NFE2L3: variants seen among roughly 807,000 people sequenced by gnomAD.
NFE2L3 encodes nuclear factor erythroid 2-related factor 3.
In NFE2L3, 18 loss-of-function variants were observed where a neutral mutation model predicts 23.5. The ratio of observed to expected loss-of-function variants is 0.77; its 90% CI spans 0.53 to 1.13. The LOEUF (loss-of-function observed/expected upper bound fraction) is 1.13, where lower values mean the gene tolerates loss of function less well. Among genes scored for constraint, NFE2L3 ranks in the 50% most tolerant of loss-of-function variants. The probability of loss-of-function intolerance (pLI) is 0.00; values close to 1 mark genes in which losing one functional copy is unlikely to be tolerated. For synonymous variants in NFE2L3, 424 were observed against 354.5 expected (o/e 1.20, Z -2.20); for missense variants, 1,152 against 877.2 (o/e 1.31, Z -3.96).
In NFE2L3 at chr7:26,184,825, C is replaced by A; in HGVS notation, c.1127C>A (p.Thr376Lys). ...SPVDNHMRNL[T>K]SQDLLYDLDI... ...GTTGACAATCATATGAGGAATCTAA[C>A]AAGCCAAGACCTACTGTATGACCTT... The change falls in exon 4 of 4, where the codon ACA becomes AAA. Residue 376 changes from threonine (T) to lysine (K), a missense_variant. Transcript: ENST00000056233. 1 of 1,613,932 alleles carries A rather than the reference C, an allele frequency of 6.2e-7. No individual in the cohort carries two copies. The highest frequency in any genetic ancestry group is 1.1e-5 in the South Asian group (1 of 91,072).
chr7:26,159,014 A>G (rs1315822044), intron 1 of NFE2L3, among the ~76,000 whole-genome samples: 2 of 151,528 alleles, frequency 1.3e-5, no homozygotes, highest in African/African-American at 4.9e-5. Context: ...TCCCCAATTT[A>G]CTCCCGTCCA....
chr7:26,161,336 T>A (rs1784167893), intron 1 of NFE2L3, among the ~76,000 whole-genome samples: 1 of 19,256 alleles, frequency 5.2e-5, no homozygotes, highest in Non-Finnish European at 9.6e-5. Context: ...CTTCTCTCTC[T>A]TTTTTTTTTT....
Position 26,185,112 on chromosome 7 carries a change from C to T in NFE2L3, c.1414C>T (p.Pro472Ser), listed in dbSNP as rs1171733966. The T allele has an allele frequency of 1.9e-6, 3 of 1,613,778 alleles. No homozygotes were observed. In the African/African-American group the frequency reaches 4.0e-5, roughly 22 times the overall value. Residue 472 changes from proline to serine, a missense_variant, in exon 4 of 4, where the codon CCC (proline) becomes TCC (serine). Transcript: ENST00000056233. ...EGAVGGYYPE[P>S]SKLCHLDQSD... ...TGCTGTAGGTGGCTACTACCCAGAA[C>T]CCAGTAAGCTTTGTCACTTGGATCA...
chr7:26,172,883 T>A (rs970723794), intron 1 of NFE2L3, among the ~76,000 whole-genome samples: 1 of 152,216 alleles, frequency 6.6e-6, no homozygotes, highest in Non-Finnish European at 1.5e-5. Flanking sequence ...TAACAAGTAA[T>A]CTGCAGAGTG....
At chr7:26,180,770 A>AG (rs1221816757) in intron 2 of NFE2L3, among the ~76,000 whole-genome samples, 2 of 152,036 alleles carry the variant, frequency 1.3e-5, no homozygotes, top group Non-Finnish European at 2.9e-5. Context: ...CAAATGAAGT[A>AG]GGGAGCTTCC....
Position 26,152,798 on chromosome 7 carries a change from C to T in NFE2L3, c.300C>T (p.Val100=), listed in dbSNP as rs1043314024. ...QLLREVRALG[V]PFVPRTSVDA... ...TCCGGGAGGTGCGCGCGCTCGGGGT[C>T]CCCTTCGTCCCTCGCACCAGCGTGG... is the stretch of plus-strand genomic sequence containing the variant. The change falls in exon 1 of 4, where the codon GTC becomes GTT. Residue 100 remains valine, a synonymous_variant. Transcript: ENST00000056233. This position sits in a 1 kb window ranked among gnomAD's most constrained non-coding sequence, Gnocchi z 4.4. 7 of 1,486,178 alleles carry T rather than the reference C, an allele frequency of 4.7e-6. No homozygotes were observed. Among genetic ancestry groups the T allele is most frequent in the Admixed American group, 4.5e-5 (2 of 44,308 alleles). 92.1% of individuals were successfully genotyped at this position (1,486,178 alleles called of 1,614,324 possible). A position where few individuals can be genotyped will look rare whatever the true frequency, so the allele number is the denominator to read the frequency against.
intron 1 of NFE2L3, among the ~76,000 whole-genome samples, chr7:26,171,231 A>G (rs1028155688): frequency 6.6e-6 from 1 of 152,244 alleles, no homozygotes; most frequent in African/African-American, 2.4e-5. Context: ...AGAAAAGATT[A>G]GAAACAACTA....
In NFE2L3 at chr7:26,161,350, TTTTTTTTTTTTTTTG is replaced by T. The variant is rs1381633327; in HGVS notation, c.570+8283_570+8297del. ...GCTTCTCTCTCTTTTTTTTTTTTTTTTTTTTTTTTTTTTTGGGTCTTACCTTTCTTTAGAGTTTCT... is the reference window on the plus strand; with the variant it reads ...GCTTCTCTCTCTTTTTTTTTTTTTTTGGTCTTACCTTTCTTTAGAGTTTCT... On this transcript the variant is annotated intron_variant, in intron 1 of 3. Coordinates refer to ENST00000056233, the MANE Select transcript of NFE2L3 (RefSeq NM_004289.7). Among the ~76,000 whole-genome samples the T allele has an allele frequency of 2.8e-4, 28 of 99,986 alleles. 1 individual carries two copies. The highest frequency in any genetic ancestry group is 1.0e-3 in the African/African-American group (22 of 21,148). 65.6% of individuals were successfully genotyped at this position (99,986 alleles called of 152,430 possible).
chr7:26,153,988 G>A (rs891898956), intron 1 of NFE2L3, among the ~76,000 whole-genome samples: 1 of 152,206 alleles, frequency 6.6e-6, no homozygotes, highest in East Asian at 1.9e-4. Flanking sequence ...AATGTTCTTC[G>A]GGTGTTGTTT....
At chr7:26,175,671 G>C (rs1370923631) in intron 1 of NFE2L3, among the ~76,000 whole-genome samples, 6 of 148,868 alleles carry the variant, frequency 4.0e-5, no homozygotes, top group African/African-American at 1.2e-4. Flanking sequence ...CCCAGTTACT[G>C]GGGAGGCTGA....
intron 1 of NFE2L3, among the ~76,000 whole-genome samples, chr7:26,166,872 T>C (rs1417997281): frequency 6.6e-6 from 1 of 152,236 alleles, no homozygotes; most frequent in Non-Finnish European, 1.5e-5. Context: ...TTCTTTGTCT[T>C]TGAAGGTTCT....
intron 1 of NFE2L3, among the ~76,000 whole-genome samples, chr7:26,166,029 AAGT>A (rs1784245866): frequency 6.6e-6 from 1 of 152,066 alleles, no homozygotes; most frequent in Non-Finnish European, 1.5e-5. Context: ...TTGCATGATA[AAGT>A]AGTATTCAAG....
intron 2 of NFE2L3, among the ~76,000 whole-genome samples, chr7:26,183,378 T>C (rs1782378907): frequency 6.6e-6 from 1 of 152,054 alleles, no homozygotes; most frequent in Non-Finnish European, 1.5e-5. Flanking sequence ...TGAAACCCTG[T>C]CTCTACTAAA....
chr7:26,175,174 G>A (rs71521751), intron 1 of NFE2L3, among the ~76,000 whole-genome samples: 10,754 of 142,406 alleles, frequency 0.076, 556 homozygotes, highest in African/African-American at 0.15. Context: ...GTGAAACCCC[G>A]TCTCTACTAA....
At chr7:26,159,921 G>C (rs1784141774) in intron 1 of NFE2L3, among the ~76,000 whole-genome samples, 1 of 150,802 alleles carries the variant, frequency 6.6e-6, no homozygotes, top group African/African-American at 2.4e-5. Context: ...CCTTGTGATA[G>C]GAAGAGTTTA....
intron 2 of NFE2L3, among the ~76,000 whole-genome samples, chr7:26,182,617 G>A (rs1006301548): frequency 6.8e-6 from 1 of 146,892 alleles, no homozygotes; most frequent in African/African-American, 2.7e-5. Flanking sequence ...GACAGGACAA[G>A]ACTGTCTCAA....
In NFE2L3 at chr7:26,152,792, C is replaced by G. The variant is rs910686021; in HGVS notation, c.294C>G (p.Leu98=). The change falls in exon 1 of 4, where the codon CTC becomes CTG. Residue 98 remains leucine (L), a synonymous_variant. Transcript: ENST00000056233. The surrounding 1 kb of genome is among the most constrained non-coding windows in gnomAD (Gnocchi z 4.4). ...AGCTGCTCCGGGAGGTGCGCGCGCT[C>G]GGGGTCCCCTTCGTCCCTCGCACCA... ...EGQLLREVRA[L]GVPFVPRTSV... is the part of the protein sequence containing the mutation. The G allele has an allele frequency of 1.3e-6, 2 of 1,485,820 alleles. No individual in the cohort carries two copies. The highest frequency in any genetic ancestry group is 2.9e-5 in the African/African-American group (2 of 68,428). The allele number at this position is 1,485,820 out of a possible 1,614,324, so 92.0% of individuals were successfully genotyped here.
chr7:26,163,439 C>T lies in NFE2L3; in HGVS notation c.570+10371C>T, dbSNP rs76259167. Among the ~76,000 whole-genome samples, 9 of 152,218 alleles carry T rather than the reference C, an allele frequency of 5.9e-5. No individual in the cohort carries two copies. The East Asian group carries it at 1.7e-3, about 30-fold the overall frequency. Reference sequence around the variant, plus strand: ...TCAGCTCACTGCAACCTCCACCTCCCGGGTTCAAGCAATTCTCCTGCCTCA... The same window carrying T: ...TCAGCTCACTGCAACCTCCACCTCCTGGGTTCAAGCAATTCTCCTGCCTCA... On this transcript the variant is annotated intron_variant, in intron 1 of 3. Transcript: ENST00000056233.
At chr7:26,179,538 A>C (rs1321592547) in intron 2 of NFE2L3, among the ~76,000 whole-genome samples, 2 of 150,960 alleles carry the variant, frequency 1.3e-5, no homozygotes, top group Non-Finnish European at 2.9e-5. Flanking sequence ...TGTAATTTCC[A>C]AGAACGCTGA....
Sources: allele counts gnomAD v4.1 joint callset (sites outside exome capture counted in the v4.1 genomes callset), GRCh38; gene constraint gnomAD v4.1.1; non-coding constraint Gnocchi (gnomAD v3.1); transcripts MANE v1.5; gene names NCBI Gene and HGNC (gene_info 2026-07-23, HGNC 2026-07-21).